PBK: variants seen among roughly 807,000 people sequenced by gnomAD.
PBK encodes lymphokine-activated killer T-cell-originated protein kinase.
In PBK, 22 loss-of-function variants were observed where a neutral mutation model predicts 33.5. The observed-to-expected ratio is 0.66, with a 90% CI of 0.47 to 0.94. PBK has a LOEUF of 0.94. Ranked by LOEUF, PBK falls within the 40% of genes least tolerant of loss-of-function variation. The pLI, the probability that PBK is intolerant of heterozygous loss-of-function variation, is 0.00. For synonymous variants in PBK, 129 were observed against 123.8 expected (o/e 1.04, Z -0.28); for missense variants, 376 against 383.4 (o/e 0.98, Z 0.16).
intron 2 of PBK, among the ~76,000 whole-genome samples, chr8:27,828,557 T>C (rs1368696259): frequency 3.3e-5 from 5 of 151,926 alleles, no homozygotes; most frequent in African/African-American, 9.7e-5. Flanking sequence ...TTGAGCCCAG[T>C]AGAGACCAGC....
chr8:27,825,684 T>C (rs1193283091), intron 3 of PBK, among the ~76,000 whole-genome samples: 1 of 152,188 alleles, frequency 6.6e-6, no homozygotes, highest in Non-Finnish European at 1.5e-5. Flanking sequence ...ATACCTGTGT[T>C]ATCAACACCT....
intron 3 of PBK, among the ~76,000 whole-genome samples, chr8:27,823,930 A>T (rs73572531): frequency 6.6e-6 from 1 of 152,110 alleles, no homozygotes; most frequent in Admixed American, 6.5e-5. Flanking sequence ...GCAGCATAAC[A>T]GCACAAAACC....
chr8:27,813,972 A>C (rs1805759265), intron 6 of PBK, among the ~76,000 whole-genome samples: 1 of 152,024 alleles, frequency 6.6e-6, no homozygotes, highest in Non-Finnish European at 1.5e-5. Context: ...TGTTAATGTG[A>C]TATTTTGATG....
chr8:27,824,771 A>G (rs1192515636), intron 3 of PBK, among the ~76,000 whole-genome samples: 1 of 152,222 alleles, frequency 6.6e-6, no homozygotes, highest in African/African-American at 2.4e-5. Context: ...AAGGGACAGT[A>G]GAAAAAGGAA....
At chr8:27,828,779 A>T (rs545880239) in intron 2 of PBK, among the ~76,000 whole-genome samples, 22 of 146,834 alleles carry the variant, frequency 1.5e-4, no homozygotes, top group African/African-American at 2.5e-4. Context: ...AGATGAAAAG[A>T]TGGAGTTCTG....
At chr8:27,816,343 C>CATATATATATATATATATATA (rs1554559819) in intron 6 of PBK, among the ~76,000 whole-genome samples, 1 of 136,362 alleles carries the variant, frequency 7.3e-6, no homozygotes, top group African/African-American at 2.9e-5. Flanking sequence ...TCATCGAATA[C>CATATATATATATATATATATA]TATATATATA....
In PBK at chr8:27,822,392, T is replaced by C; in HGVS notation, c.392A>G (p.Tyr131Cys). 1.2e-6 allele frequency: 2 copies of C among 1,613,680 alleles called. No individual in the cohort carries two copies. The highest frequency in any genetic ancestry group is 1.1e-5 in the South Asian group (1 of 91,030). The change falls in exon 5 of 8, where the codon TAT (tyrosine) becomes TGT (cysteine). Residue 131 changes from tyrosine to cysteine, a missense_variant. Physicochemically the swap from Tyr to Cys is radical, Grantham distance 194 (BLOSUM62 -2). Coordinates refer to ENST00000301905, the MANE Select transcript of PBK (RefSeq NM_018492.4). ...KSLNDLIEER[Y>C]KASQDPFPAA... The stretch of plus-strand genomic sequence containing the variant: ...TGGAAAAGGATCTTGGCTGGCTTTA[T>C]ATCGTTCTTCTATTAAGTCATTTAG...
chr8:27,832,102 C>A (rs536658266), intron 2 of PBK, among the ~76,000 whole-genome samples: 2 of 152,108 alleles, frequency 1.3e-5, no homozygotes, highest in African/African-American at 4.8e-5. Context: ...ACAATATCAG[C>A]AAATCAAGCA....
At chr8:27,835,066 C>T (rs186721508) in intron 1 of PBK, among the ~76,000 whole-genome samples, 17 of 152,136 alleles carry the variant, frequency 1.1e-4, no homozygotes, top group Admixed American at 6.5e-4. Context: ...TAAAGCAAAA[C>T]TGTTCCTACA....
At position 27,811,005 on chromosome 8, in the gene PBK, G is replaced by A; in HGVS notation, c.725C>T (p.Thr242Ile). Residue 242 changes from threonine (T) to isoleucine (I), a missense_variant, in exon 7 of 8, where the codon ACT (threonine) becomes ATT (isoleucine). Coordinates refer to ENST00000301905, the MANE Select transcript of PBK (RefSeq NM_018492.4). ...AFGLTLWEMMTLSIPHINLSN... is the reference protein window; with the variant it reads ...AFGLTLWEMMILSIPHINLSN... Reference sequence around the variant, plus strand: ...AAGATTAATGTGTGGAATCGATAAAGTCATCATTTCCCACAAAGTAAGGCC... The same window carrying A: ...AAGATTAATGTGTGGAATCGATAAAATCATCATTTCCCACAAAGTAAGGCC... 6.2e-7 allele frequency: 1 copy of A among 1,611,832 alleles called. No individual in the cohort carries two copies. Among genetic ancestry groups the A allele is most frequent in the Non-Finnish European group, 8.5e-7 (1 of 1,177,996 alleles).
rs1458723181 is a variant in PBK at position 27,810,404 on chromosome 8, G to A, written c.870C>T (p.Tyr290=). Residue 290 remains tyrosine, a synonymous_variant, in exon 8 of 8, where the codon TAC becomes TAT. Transcript: ENST00000301905. The part of the protein sequence containing the change: ...PINMEELDES[Y]QKVIELFSVC... The stretch of plus-strand genomic sequence containing the variant: ...CAGAGAAGAGTTCAATTACTTTCTG[G>A]TATGATTCATCCAGTTCTTCCATAT... 8 of 1,606,208 alleles carry A rather than the reference G, an allele frequency of 5.0e-6. No homozygotes were observed. The highest frequency in any genetic ancestry group is 6.8e-6 in the Non-Finnish European group (8 of 1,172,986).
chr8:27,819,017 C>G (rs1805870218), intron 6 of PBK, among the ~76,000 whole-genome samples: 1 of 152,128 alleles, frequency 6.6e-6, no homozygotes, highest in Non-Finnish European at 1.5e-5. Context: ...ACAACAAATT[C>G]CTCTATTTGG....
rs766546279 is a variant in PBK, at chr8:27,822,941, C to T, written c.295+122G>A. On this transcript the variant is annotated intron_variant, in intron 4 of 7. Transcript: ENST00000301905. ...TTAGACCAATCACATTAATTTGATA[C>T]CCATTAAATATCCAGCCCCATCCTC... 2.6e-5 allele frequency: 16 copies of T among 622,128 alleles called. No homozygotes were observed. In the East Asian group the frequency reaches 3.4e-4, roughly 13 times the overall value. The allele number at this position is 622,128 out of a possible 1,614,324, so 38.5% of individuals were successfully genotyped here. A position where few individuals can be genotyped will look rare whatever the true frequency, so the allele number is the denominator to read the frequency against.
intron 6 of PBK, among the ~76,000 whole-genome samples, chr8:27,815,535 C>T (rs1585423303): frequency 6.6e-6 from 1 of 152,108 alleles, no homozygotes. Flanking sequence ...AAGAGAAAAG[C>T]CTATAGACAT....
intron 3 of PBK, 71 bp from the exon 4 acceptor site, chr8:27,823,276 A>T: frequency 1.0e-6 from 1 of 1,002,250 alleles, no homozygotes; most frequent in East Asian, 2.5e-5. Context: ...TGACTTCCAA[A>T]TTTTTGGGAA....
In PBK at chr8:27,832,224, A is replaced by G. The variant is rs553081526; in HGVS notation, c.58+832T>C. Among the ~76,000 whole-genome samples the G allele has an allele frequency of 1.3e-5, 2 of 152,294 alleles. 1 individual carries two copies. The highest frequency in any genetic ancestry group is 4.8e-5 in the African/African-American group (2 of 41,582). ...GAGATTTTAAAAGAAAATTTAATAG[A>G]TTCAGAAAAAGCTCTCTACAAAGTT... is the stretch of plus-strand genomic sequence containing the variant. On this transcript the variant is annotated intron_variant, in intron 2 of 7. Coordinates refer to ENST00000301905, the MANE Select transcript of PBK (RefSeq NM_018492.4).
At chr8:27,824,105 A>G (rs1805982293) in intron 3 of PBK, among the ~76,000 whole-genome samples, 1 of 152,156 alleles carries the variant, frequency 6.6e-6, no homozygotes, top group South Asian at 2.1e-4. Context: ...AAAGGATCAC[A>G]AGATTTCTTA....
At chr8:27,837,251 AGTG>A (rs1806243827) in intron 1 of PBK, among the ~76,000 whole-genome samples, 1 of 152,220 alleles carries the variant, frequency 6.6e-6, no homozygotes, top group African/African-American at 2.4e-5. Context: ...GTCAAACGTC[AGTG>A]ACCTTTGGGC....
At chr8:27,835,573 CAG>C (rs1163735516) in intron 1 of PBK, among the ~76,000 whole-genome samples, 2 of 146,580 alleles carry the variant, frequency 1.4e-5, no homozygotes, top group Non-Finnish European at 3.0e-5. Flanking sequence ...TTTTTTGAGA[CAG>C]AGTTTTGCTC....
Sources: allele counts gnomAD v4.1 joint callset (sites outside exome capture counted in the v4.1 genomes callset), GRCh38; gene constraint gnomAD v4.1.1; transcripts MANE v1.5; gene names NCBI Gene and HGNC (gene_info 2026-07-23, HGNC 2026-07-21).